The following GPC5 variants were observed in gnomAD, a reference collection of about 807,000 sequenced individuals.
GPC5 encodes glypican-5.
A neutral mutation model predicts 53.9 loss-of-function variants in GPC5; 47 were observed. That is an observed-to-expected ratio of 0.87 (90% CI 0.69 to 1.11). The LOEUF (loss-of-function observed/expected upper bound fraction) is 1.11, where lower values mean the gene tolerates loss of function less well. GPC5 is among the 50% of genes most tolerant of loss of function. The pLI is 0.00. For synonymous variants in GPC5, 286 were observed against 263.3 expected (o/e 1.09, Z -0.84); for missense variants, 748 against 713.1 (o/e 1.05, Z -0.56).
intron 7 of GPC5, among the ~76,000 whole-genome samples, chr13:92,610,970 T>TA (rs1212475259): frequency 1.6e-5 from 2 of 128,402 alleles, no homozygotes; most frequent in African/African-American, 3.2e-5. Flanking sequence ...CAATACATAT[T>TA]TTTTTTTTTT....
At chr13:91,921,250 T>G (rs1175486783) in intron 6 of GPC5, among the ~76,000 whole-genome samples, 5 of 152,168 alleles carry the variant, frequency 3.3e-5, no homozygotes, top group Non-Finnish European at 5.9e-5. Flanking sequence ...TTTTATTTTC[T>G]GTAAACCTTT....
intron 7 of GPC5, among the ~76,000 whole-genome samples, chr13:92,200,404 A>G (rs2042285955): frequency 6.6e-6 from 1 of 152,208 alleles, no homozygotes; most frequent in Admixed American, 6.5e-5. Flanking sequence ...TAACTGTGTT[A>G]GCCAGAGCTC....
intron 7 of GPC5, among the ~76,000 whole-genome samples, chr13:92,822,672 T>C (rs1049228383): frequency 5.8e-4 from 88 of 152,130 alleles, no homozygotes; most frequent in Non-Finnish European, 1.6e-4. Context: ...TCTCTGTTGT[T>C]TCCCAAGGCA....
rs370878359 is a variant in GPC5 at position 91,572,132 on chromosome 13, T to C, written c.326-121055T>C. Among the ~76,000 whole-genome samples the C allele has an allele frequency of 1.6e-3, 183 of 115,332 alleles. 11 individuals are homozygous for C. Among genetic ancestry groups the C allele is most frequent in the Middle Eastern group, 0.011 (2 of 188 alleles). 75.7% of individuals were successfully genotyped at this position (115,332 alleles called of 152,430 possible). On this transcript the variant is annotated intron_variant, in intron 2 of 7. Transcript: ENST00000377067. ...ACACATGTATATATACGTGTGTATATACACATATGTATATATACGTGTGTA... is the reference window on the plus strand; with the variant it reads ...ACACATGTATATATACGTGTGTATACACACATATGTATATATACGTGTGTA...
At chr13:92,162,212 A>G (rs2041995136) in intron 7 of GPC5, among the ~76,000 whole-genome samples, 1 of 152,002 alleles carries the variant, frequency 6.6e-6, no homozygotes, top group Non-Finnish European at 1.5e-5. Flanking sequence ...AGAGTCACTT[A>G]CAGCTTCTTT....
chr13:91,847,313 G>T (rs563701823), intron 5 of GPC5, among the ~76,000 whole-genome samples: 1 of 151,574 alleles, frequency 6.6e-6, no homozygotes, highest in African/African-American at 2.4e-5. Flanking sequence ...ACTCCTTTAA[G>T]GATGGCTGTT....
intron 5 of GPC5, 69 bp downstream of exon 5, chr13:91,756,489 G>A: frequency 1.5e-6 from 2 of 1,318,514 alleles, no homozygotes; most frequent in South Asian, 1.8e-5. Flanking sequence ...AATCTTAAGG[G>A]GATTAATTCA....
intron 7 of GPC5, among the ~76,000 whole-genome samples, chr13:92,258,119 C>T (rs767060363): frequency 1.1e-4 from 17 of 151,802 alleles, no homozygotes; most frequent in Non-Finnish European, 2.1e-4. Context: ...TAGCAGAAAA[C>T]GAATTACTTT....
rs533771960 is a variant in GPC5 at position 92,758,656 on chromosome 13, C to T, written c.1562-107626C>T. Reference sequence around the variant, plus strand: ...CGTCACTTGTGTTTATATTTATTTTCAAGATTATACTCCTTAAAATAATCC... The same window carrying T: ...CGTCACTTGTGTTTATATTTATTTTTAAGATTATACTCCTTAAAATAATCC... On this transcript the variant is annotated intron_variant, in intron 7 of 7. Coordinates refer to ENST00000377067, the MANE Select transcript of GPC5 (RefSeq NM_004466.6). Among the ~76,000 whole-genome samples, 147 of 152,106 alleles carry T rather than the reference C, an allele frequency of 9.7e-4. 1 individual carries two copies. Among genetic ancestry groups the T allele is most frequent in the African/African-American group, 3.4e-3 (142 of 41,498 alleles).
At chr13:92,125,293 G>T (rs1231050421) in intron 6 of GPC5, among the ~76,000 whole-genome samples, 1 of 152,050 alleles carries the variant, frequency 6.6e-6, no homozygotes, top group Non-Finnish European at 1.5e-5. Context: ...ATCCACATCT[G>T]GATTCCCACC....
chr13:92,653,106 G>A (rs1228903599), intron 7 of GPC5, among the ~76,000 whole-genome samples: 2 of 152,174 alleles, frequency 1.3e-5, no homozygotes, highest in African/African-American at 4.8e-5. Context: ...AAGAAAGTAA[G>A]CCAATAAAAG....
At chr13:92,140,558 T>C (rs1298925932) in intron 6 of GPC5, among the ~76,000 whole-genome samples, 3 of 152,200 alleles carry the variant, frequency 2.0e-5, no homozygotes, top group East Asian at 1.9e-4. Flanking sequence ...CAAACATTTT[T>C]CCACATTTTA....
intron 7 of GPC5, among the ~76,000 whole-genome samples, chr13:92,476,274 C>A (rs1879124595): frequency 6.6e-6 from 1 of 152,060 alleles, no homozygotes; most frequent in African/African-American, 2.4e-5. Context: ...ATTTATGCAG[C>A]CAAAAAACAC....
intron 6 of GPC5, among the ~76,000 whole-genome samples, chr13:92,100,394 C>A (rs2041456599): frequency 6.6e-6 from 1 of 151,986 alleles, no homozygotes; most frequent in Non-Finnish European, 1.5e-5. Context: ...AGAGTGAGAC[C>A]TCATCTCAAA....
Position 91,933,606 on chromosome 13 carries a change from C to T in GPC5, c.1401+25549C>T, listed in dbSNP as rs190989545. Among the ~76,000 whole-genome samples, 29 of 152,014 alleles carry T rather than the reference C, an allele frequency of 1.9e-4. No individual in the cohort carries two copies. In the East Asian group the frequency reaches 4.8e-3, roughly 25 times the overall value. ...AAGGTACCGAAACATATATGCCACA[C>T]GTCCAAGTTTTCTCAGGTATTAGCT... On this transcript the variant is annotated intron_variant, in intron 6 of 7. Coordinates refer to ENST00000377067, the MANE Select transcript of GPC5 (RefSeq NM_004466.6).
At chr13:91,562,391 GGAAAA>G (rs1380073528) in intron 2 of GPC5, among the ~76,000 whole-genome samples, 5 of 151,882 alleles carry the variant, frequency 3.3e-5, no homozygotes, top group Admixed American at 3.3e-4. Flanking sequence ...CAAATATTTA[GGAAAA>G]GAAATCATAC....
At chr13:91,537,213 A>G (rs1411138254) in intron 2 of GPC5, among the ~76,000 whole-genome samples, 2 of 152,178 alleles carry the variant, frequency 1.3e-5, no homozygotes, top group Non-Finnish European at 2.9e-5. Context: ...AACGAGTTAA[A>G]CAGAGAATAG....
At chr13:92,295,934 G>A (rs542583200) in intron 7 of GPC5, among the ~76,000 whole-genome samples, 2 of 152,308 alleles carry the variant, frequency 1.3e-5, no homozygotes, top group Admixed American at 1.3e-4. Flanking sequence ...TTTAAGTGGA[G>A]TGTTTAGGCT....
intron 6 of GPC5, among the ~76,000 whole-genome samples, chr13:92,015,758 CA>C (rs2040701151): frequency 6.6e-6 from 1 of 152,150 alleles, no homozygotes; most frequent in Non-Finnish European, 1.5e-5. Flanking sequence ...ACATCTTTTA[CA>C]AACTATTTCA....
Sources: allele counts gnomAD v4.1 joint callset (sites outside exome capture counted in the v4.1 genomes callset), GRCh38; gene constraint gnomAD v4.1.1; transcripts MANE v1.5; gene names NCBI Gene and HGNC (gene_info 2026-07-23, HGNC 2026-07-21).